Variants in CLDN10 observed in about 807,000 individuals in gnomAD.
CLDN10 encodes the protein claudin-10.
CLDN10 carries 15 observed loss-of-function variants against 22.9 expected under a neutral mutation model. That is an observed-to-expected ratio of 0.65 (90% confidence interval 0.44 to 1.01). The LOEUF (loss-of-function observed/expected upper bound fraction) is 1.01. Among genes scored for constraint, CLDN10 ranks in the 50% least tolerant of loss-of-function variants. The probability of loss-of-function intolerance (pLI) is 0.00; values close to 1 mark genes in which losing one functional copy is unlikely to be tolerated. For missense variants in CLDN10, 247 were observed against 287.8 expected, an observed-to-expected ratio of 0.86 and a Z score of 1.03; for synonymous variants, 114 against 111.4, an observed-to-expected ratio of 1.02 and a Z score of -0.15.
intron 1 of CLDN10, among the ~76,000 whole-genome samples, chr13:95,541,301 T>A (rs570955876): frequency 6.0e-4 from 91 of 152,338 alleles, no homozygotes; most frequent in Non-Finnish European, 1.2e-3. Flanking sequence ...AAGAGGCAAC[T>A]ATACGCAAGT....
chr13:95,479,057 A>T (rs2139112470), intron 1 of CLDN10, among the ~76,000 whole-genome samples: 1 of 152,342 alleles, frequency 6.6e-6, no homozygotes, highest in Non-Finnish European at 1.5e-5. Flanking sequence ...TTCCTAATAA[A>T]TAGTGGCCAC....
chr13:95,514,334 A>G (rs1241113552), intron 1 of CLDN10, among the ~76,000 whole-genome samples: 1 of 152,174 alleles, frequency 6.6e-6, no homozygotes, highest in Non-Finnish European at 1.5e-5. Flanking sequence ...TAGCTGTGGT[A>G]GGAGAATTTA....
chr13:95,449,526 C>T (rs1038516197), intron 1 of CLDN10, among the ~76,000 whole-genome samples: 4 of 152,090 alleles, frequency 2.6e-5, no homozygotes, highest in Admixed American at 2.6e-4. Context: ...GCTGGGATTA[C>T]AGGCATAAGC....
chr13:95,468,325 G>A (rs2042598927), intron 1 of CLDN10, among the ~76,000 whole-genome samples: 1 of 152,180 alleles, frequency 6.6e-6, no homozygotes, highest in African/African-American at 2.4e-5. Context: ...GTCTTTGACA[G>A]TTTCTTTGCT....
intron 1 of CLDN10, chr13:95,533,701 C>CA (rs2043370612): frequency 6.6e-6 from 1 of 152,206 alleles, no homozygotes; most frequent in Non-Finnish European, 1.5e-5. Flanking sequence ...ATCTTACCTG[C>CA]AGGGGCCACA....
At chr13:95,555,641 T>C (rs2043629155) in intron 1 of CLDN10, among the ~76,000 whole-genome samples, 2 of 152,372 alleles carry the variant, frequency 1.3e-5, no homozygotes, top group South Asian at 4.1e-4. Context: ...TTTGATGACT[T>C]TCCTTCTGTG....
chr13:95,449,577 A>G (rs2042413208), intron 1 of CLDN10, among the ~76,000 whole-genome samples: 1 of 149,810 alleles, frequency 6.7e-6, no homozygotes, highest in African/African-American at 2.5e-5. Context: ...TTGTTGTTTT[A>G]TTTTTTAGAG....
At chr13:95,532,889 G>A (rs2043360351) in intron 1 of CLDN10, among the ~76,000 whole-genome samples, 1 of 146,556 alleles carries the variant, frequency 6.8e-6, no homozygotes, top group Non-Finnish European at 1.5e-5. Context: ...TTATACAAAA[G>A]AGTACATGCT....
At chr13:95,500,874 G>A (rs1448804574) in intron 1 of CLDN10, among the ~76,000 whole-genome samples, 1 of 152,096 alleles carries the variant, frequency 6.6e-6, no homozygotes, top group African/African-American at 2.4e-5. Flanking sequence ...TGAATGGAAG[G>A]GTGACACAAT....
chr13:95,434,159 T>G (rs1206152763), intron 1 of CLDN10: 13 of 899,154 alleles, frequency 1.4e-5, no homozygotes, highest in Non-Finnish European at 2.1e-5. Context: ...GAGTGCTTAA[T>G]CAAAGTGCCA....
At chr13:95,514,690 A>T (rs944469938) in intron 1 of CLDN10, among the ~76,000 whole-genome samples, 3 of 152,150 alleles carry the variant, frequency 2.0e-5, no homozygotes, top group Admixed American at 2.0e-4. Flanking sequence ...GGATCAGGGA[A>T]CATGGGGCTT....
At position 95,559,211 on chromosome 13, in the gene CLDN10, A is replaced by G. The variant is rs537998448; in HGVS notation, c.221-921A>G. Among the ~76,000 whole-genome samples the G allele has an allele frequency of 2.6e-5, 4 of 152,318 alleles. No individual in the cohort carries two copies. The East Asian group carries it at 7.7e-4, about 29-fold the overall frequency. ...TTAGATCGAAATATGGCATTGTTTC[A>G]GGCTGAAATGAAAATGGCTTATGTG... On this transcript the variant is annotated intron_variant, in intron 1 of 4. Transcript: ENST00000299339.
At chr13:95,446,255 G>A (rs908783812) in intron 1 of CLDN10, among the ~76,000 whole-genome samples, 6 of 152,218 alleles carry the variant, frequency 3.9e-5, no homozygotes, top group Admixed American at 3.3e-4. Context: ...TGGGAAGATA[G>A]ATGAGGCAGT....
chr13:95,462,130 C>T (rs2042541892), intron 1 of CLDN10, among the ~76,000 whole-genome samples: 1 of 152,188 alleles, frequency 6.6e-6, no homozygotes, highest in South Asian at 2.1e-4. Flanking sequence ...TGCAGTAGTA[C>T]TTAAACCCTA....
chr13:95,516,785 G>A (rs1317431707), intron 1 of CLDN10, among the ~76,000 whole-genome samples: 3 of 152,044 alleles, frequency 2.0e-5, no homozygotes, highest in Non-Finnish European at 2.9e-5. Flanking sequence ...ATCTTCTTAA[G>A]ATCTTCATCT....
intron 1 of CLDN10, among the ~76,000 whole-genome samples, chr13:95,459,330 G>C (rs1004661801): frequency 2.0e-5 from 3 of 152,170 alleles, no homozygotes; most frequent in Non-Finnish European, 4.4e-5. Flanking sequence ...TGGGGGCTCT[G>C]ACCCCACCTT....
intron 1 of CLDN10, among the ~76,000 whole-genome samples, chr13:95,481,460 T>C (rs1013393505): frequency 1.3e-5 from 2 of 152,158 alleles, no homozygotes; most frequent in Non-Finnish European, 2.9e-5. Flanking sequence ...GTGAGGCTGG[T>C]CTTCAGACCA....
intron 1 of CLDN10, among the ~76,000 whole-genome samples, chr13:95,525,016 C>T (rs1439706750): frequency 1.3e-5 from 2 of 151,888 alleles, no homozygotes; most frequent in East Asian, 1.9e-4. Flanking sequence ...TGTGCCACAA[C>T]GCCCTGCTAA....
chr13:95,478,194 G>C (rs2042704252), intron 1 of CLDN10, among the ~76,000 whole-genome samples: 1 of 152,184 alleles, frequency 6.6e-6, no homozygotes, highest in African/African-American at 2.4e-5. Flanking sequence ...TGTAGTCCCA[G>C]CTACTTGGGA....
Sources: gnomAD v4.1 joint callset for allele counts (sites outside exome capture counted in the v4.1 genomes callset) on GRCh38, gnomAD v4.1.1 for gene constraint, MANE v1.5 for transcripts, NCBI Gene and HGNC (gene_info 2026-07-23, HGNC 2026-07-21) for gene names.